The following ABCD3 variants were observed in gnomAD, a reference collection of about 807,000 sequenced individuals.
ABCD3 encodes ATP binding cassette subfamily D member 3.
ABCD3 carries 41 observed loss-of-function variants against 105.5 expected under a neutral mutation model. That is an observed-to-expected ratio of 0.39 (90% CI 0.30 to 0.50). ABCD3 has a LOEUF of 0.50. Among genes scored for constraint, ABCD3 ranks in the 20% least tolerant of loss-of-function variants. ABCD3 has a pLI of 0.84. For synonymous variants in ABCD3, 258 were observed against 269.0 expected, an observed-to-expected ratio of 0.96 and a Z score of 0.40; for missense variants, 622 against 806.3, an observed-to-expected ratio of 0.77 and a Z score of 2.77.
intron 20 of ABCD3, among the ~76,000 whole-genome samples, chr1:94,501,769 A>G (rs145743374): frequency 1.2e-4 from 18 of 152,306 alleles, no homozygotes; most frequent in South Asian, 4.1e-4. Flanking sequence ...AGTATATATG[A>G]TGGAAAAGTG....
intron 1 of ABCD3, chr1:94,418,949 T>TG (rs1451255714): frequency 3.1e-6 from 1 of 327,612 alleles, no homozygotes; most frequent in African/African-American, 2.2e-5. Context: ...GTCAACTTTC[T>TG]GGGTGTGTTC....
At chr1:94,455,714 A>G (rs1004935302) in intron 1 of ABCD3, 14 of 579,328 alleles carry the variant, frequency 2.4e-5, no homozygotes, top group Non-Finnish European at 3.2e-5. Context: ...ATAAGATGTC[A>G]TGGTTCCCTC....
the ABCD3 span, among the ~76,000 whole-genome samples, chr1:94,405,186 T>C: frequency 6.6e-6 from 1 of 152,208 alleles, no homozygotes. Flanking sequence ...CTAGGGTAAA[T>C]GCCTGTATAG....
chr1:94,498,964 G>C lies in ABCD3; in HGVS notation c.1550G>C (p.Gly517Ala). The change falls in exon 19 of 23, where the codon GGA (glycine) becomes GCA (alanine). Residue 517 changes from glycine to alanine, a missense_variant. By Grantham distance (60) the Gly-to-Ala change is moderately conservative. Around this residue, in one of 4 missense-constraint regions of ABCD3, gnomAD observed 285 missense variants for 352.5 expected, o/e 0.81. Coordinates refer to ENST00000370214, the MANE Select transcript of ABCD3 (RefSeq NM_002858.4). ...TGTCAGAGACCTTACATGACCCTTG[G>C]AACACTTCGAGATCAAGTGATATAT... Reference protein sequence around the residue: ...YVPQRPYMTLGTLRDQVIYPD... With the variant: ...YVPQRPYMTLATLRDQVIYPD... 1 of 1,613,738 alleles carries C rather than the reference G, an allele frequency of 6.2e-7. No homozygotes were observed. The highest frequency in any genetic ancestry group is 8.5e-7 in the Non-Finnish European group (1 of 1,179,896).
At chr1:94,473,868 C>T (rs369016995) in intron 5 of ABCD3, 33 bp downstream of exon 5, 149 of 1,543,626 alleles carry the variant, frequency 9.7e-5, no homozygotes, top group South Asian at 9.3e-4. Flanking sequence ...CTTTTTAACA[C>T]GGGAAATTTG....
At chr1:94,468,218 C>T (rs1313830789) in intron 4 of ABCD3, among the ~76,000 whole-genome samples, 2 of 152,140 alleles carry the variant, frequency 1.3e-5, no homozygotes, top group African/African-American at 4.8e-5. Flanking sequence ...ATGCCAGCAA[C>T]TAGGAGAAAC....
intron 8 of ABCD3, 63 bp from the exon 9 acceptor site, chr1:94,480,401 A>G: frequency 6.3e-7 from 1 of 1,589,210 alleles, no homozygotes; most frequent in Non-Finnish European, 8.6e-7. Context: ...ACATGTTTGT[A>G]TCTAAGTGAA....
At chr1:94,405,098 A>ATGG in the ABCD3 span, among the ~76,000 whole-genome samples, 1 of 152,154 alleles carries the variant, frequency 6.6e-6, no homozygotes, top group Non-Finnish European at 1.5e-5. Context: ...TTTCAAAATA[A>ATGG]TCTTGTGCAT....
chr1:94,459,746 C>G (rs1366112998), intron 2 of ABCD3, among the ~76,000 whole-genome samples: 1 of 152,162 alleles, frequency 6.6e-6, no homozygotes, highest in Non-Finnish European at 1.5e-5. Context: ...AAATCCTGTA[C>G]TCATTAGCAG....
intron 13 of ABCD3, among the ~76,000 whole-genome samples, chr1:94,488,489 T>C (rs1361779731): frequency 6.6e-6 from 1 of 152,072 alleles, no homozygotes; most frequent in Admixed American, 6.6e-5. Context: ...GACAGTAGAA[T>C]GAAATTAAAT....
upstream of ABCD3, among the ~76,000 whole-genome samples, chr1:94,414,325 A>G (rs1658962585): frequency 3.9e-5 from 6 of 152,196 alleles, no homozygotes. Context: ...CAATATCAGA[A>G]TCAATGTAAA....
intron 1 of ABCD3, among the ~76,000 whole-genome samples, chr1:94,448,073 G>A (rs533778599): frequency 6.6e-6 from 1 of 152,288 alleles, no homozygotes; most frequent in African/African-American, 2.4e-5. Flanking sequence ...AGATTTGCCA[G>A]TTTTTCCAAC....
intron 1 of ABCD3, among the ~76,000 whole-genome samples, chr1:94,433,218 G>A (rs1258596575): frequency 3.1e-5 from 4 of 129,940 alleles, no homozygotes; most frequent in South Asian, 2.5e-4. Context: ...GCAGTGGCCC[G>A]ATCTCGGCTC....
At chr1:94,483,056 T>C in intron 9 of ABCD3, 114 bp from the exon 10 acceptor site, 1 of 741,434 alleles carries the variant, frequency 1.3e-6, no homozygotes, top group Non-Finnish European at 2.4e-6. Flanking sequence ...GATAAGCTCT[T>C]AGTCACAAAA....
chr1:94,494,449 C>T (rs1244571907), intron 16 of ABCD3, among the ~76,000 whole-genome samples: 1 of 152,280 alleles, frequency 6.6e-6, no homozygotes, highest in East Asian at 1.9e-4. Flanking sequence ...GGGTTTCTCA[C>T]ATTCATTATG....
chr1:94,401,441 A>T, the ABCD3 span, among the ~76,000 whole-genome samples: 11 of 152,238 alleles, frequency 7.2e-5, no homozygotes, highest in African/African-American at 2.7e-4. Context: ...TTCCAAGTAT[A>T]ACAACAACAT....
At chr1:94,435,083 C>T (rs1398708877) in intron 1 of ABCD3, among the ~76,000 whole-genome samples, 2 of 152,128 alleles carry the variant, frequency 1.3e-5, no homozygotes, top group Non-Finnish European at 2.9e-5. Context: ...TTGACCTGTA[C>T]AGATTCTGTA....
At chr1:94,488,487 A>G (rs1311871998) in intron 13 of ABCD3, among the ~76,000 whole-genome samples, 4 of 152,120 alleles carry the variant, frequency 2.6e-5, no homozygotes, top group African/African-American at 9.7e-5. Context: ...TAGACAGTAG[A>G]ATGAAATTAA....
chr1:94,488,046 A>T (rs1460273070), intron 13 of ABCD3, 63 bp downstream of exon 13: 1 of 1,323,586 alleles, frequency 7.6e-7, no homozygotes, highest in Non-Finnish European at 1.1e-6. Flanking sequence ...ATCCTTAATG[A>T]TTGTATCAGT....
Sources: allele counts gnomAD v4.1 joint callset (sites outside exome capture counted in the v4.1 genomes callset), GRCh38; gene constraint gnomAD v4.1.1; regional missense constraint gnomAD v4.1.1; transcripts MANE v1.5; gene names NCBI Gene and HGNC (gene_info 2026-07-23, HGNC 2026-07-21).